BICC1: variants seen among roughly 807,000 people sequenced by gnomAD.
The protein encoded by BICC1 is BicC family RNA binding protein 1, also known as protein bicaudal C homolog 1.
A neutral mutation model predicts 111.0 loss-of-function variants in BICC1; 43 were observed. That is an observed-to-expected ratio of 0.39 (90% CI 0.30 to 0.50). BICC1 has a LOEUF of 0.50. Ranked by LOEUF, BICC1 falls within the 20% of genes least tolerant of loss-of-function variation. The pLI is 0.88. For missense variants in BICC1, 1,091 were observed against 1,203.2 expected (o/e 0.91, Z 1.38); for synonymous variants, 467 against 434.4 (o/e 1.07, Z -0.93).
chr10:58,788,500 T>G, intron 6 of BICC1, 77 bp downstream of exon 6: 1 of 1,028,054 alleles, frequency 9.7e-7, no homozygotes, highest in South Asian at 1.4e-5. Flanking sequence ...ATATAATAAT[T>G]TATCATTTTA....
intron 3 of BICC1, chr10:58,715,949 A>C: frequency 7.3e-7 from 1 of 1,374,496 alleles, no homozygotes; most frequent in Non-Finnish European, 1.0e-6. Context: ...AAATGAAGAA[A>C]GAAAAAGAAG....
At chr10:58,707,251 G>T (rs1256755459) in intron 3 of BICC1, among the ~76,000 whole-genome samples, 2 of 152,136 alleles carry the variant, frequency 1.3e-5, no homozygotes, top group Admixed American at 6.5e-5. Flanking sequence ...AGTTCGTTTT[G>T]TTTTTTCCAG....
intron 1 of BICC1, among the ~76,000 whole-genome samples, chr10:58,581,363 A>T (rs1844275291): frequency 6.6e-6 from 1 of 152,190 alleles, no homozygotes; most frequent in Admixed American, 6.5e-5. Flanking sequence ...TTCAGTGGTC[A>T]GTTTATTCAT....
chr10:58,750,914 C>T (rs886659815), intron 3 of BICC1, among the ~76,000 whole-genome samples: 24 of 152,140 alleles, frequency 1.6e-4, no homozygotes, highest in Admixed American at 1.0e-3. Flanking sequence ...ATTCCTATTT[C>T]GTGTTTGTGT....
intron 3 of BICC1, among the ~76,000 whole-genome samples, chr10:58,732,680 C>A (rs866847330): frequency 2.6e-5 from 4 of 151,674 alleles, no homozygotes; most frequent in African/African-American, 9.7e-5. Context: ...ACTTGGGAGC[C>A]TGAGGTGGGA....
At chr10:58,697,703 C>G (rs1352772714) in intron 2 of BICC1, among the ~76,000 whole-genome samples, 1 of 152,158 alleles carries the variant, frequency 6.6e-6, no homozygotes, top group African/African-American at 2.4e-5. Context: ...GCCTTTGTGC[C>G]CTTTCTTCCA....
chr10:58,791,147 TTTATC>T (rs1843163426), intron 8 of BICC1, among the ~76,000 whole-genome samples: 1 of 152,188 alleles, frequency 6.6e-6, no homozygotes, highest in African/African-American at 2.4e-5. Context: ...CCGAGCTTAT[TTTATC>T]AGGTTATTTT....
At chr10:58,816,103 C>G (rs932727089) in intron 18 of BICC1, among the ~76,000 whole-genome samples, 1 of 152,168 alleles carries the variant, frequency 6.6e-6, no homozygotes, top group Non-Finnish European at 1.5e-5. Flanking sequence ...TTCTCAGTAA[C>G]TCTTTTACTC....
chr10:58,787,107 T>G lies in BICC1; in HGVS notation c.546+26T>G. The G allele has an allele frequency of 2.0e-6, 3 of 1,535,486 alleles. No homozygotes were observed. In the South Asian group the frequency reaches 3.8e-5, roughly 20 times the overall value. Reference sequence around the variant, plus strand: ...GTGGTTTGTCTTTTCACATGAACTTTTATGGGATGAATTACAGCCTTAATT... The same window carrying G: ...GTGGTTTGTCTTTTCACATGAACTTGTATGGGATGAATTACAGCCTTAATT... On this transcript the variant is annotated intron_variant, in intron 5 of 20. Coordinates refer to ENST00000373886, the MANE Select transcript of BICC1 (RefSeq NM_001080512.3).
At chr10:58,664,692 G>A (rs575837301) in intron 2 of BICC1, among the ~76,000 whole-genome samples, 1 of 151,112 alleles carries the variant, frequency 6.6e-6, no homozygotes, top group African/African-American at 2.4e-5. Flanking sequence ...TAGGCTTGTG[G>A]GTTTTTTTTT....
intron 1 of BICC1, among the ~76,000 whole-genome samples, chr10:58,599,676 T>C (rs1419565277): frequency 6.6e-6 from 1 of 152,060 alleles, no homozygotes; most frequent in Non-Finnish European, 1.5e-5. Flanking sequence ...CTGAATTTTC[T>C]TTTACTTGTC....
chr10:58,578,637 C>G (rs1844179432), intron 1 of BICC1, among the ~76,000 whole-genome samples: 2 of 152,174 alleles, frequency 1.3e-5, no homozygotes, highest in South Asian at 4.1e-4. Context: ...CTGCAGATAT[C>G]ACTTCTTCCC....
chr10:58,529,179 C>T (rs144011298), intron 1 of BICC1, among the ~76,000 whole-genome samples: 132 of 152,000 alleles, frequency 8.7e-4, no homozygotes, highest in African/African-American at 2.9e-3. Flanking sequence ...TATGCGTCTT[C>T]AAGTAGGATC....
intron 1 of BICC1, among the ~76,000 whole-genome samples, chr10:58,619,574 A>G (rs1385104085): frequency 6.6e-6 from 1 of 151,212 alleles, no homozygotes; most frequent in African/African-American, 2.4e-5. Flanking sequence ...TCCCGGGTTC[A>G]AGCAATTCTC....
At chr10:58,748,424 A>C (rs1841894976) in intron 3 of BICC1, among the ~76,000 whole-genome samples, 1 of 152,032 alleles carries the variant, frequency 6.6e-6, no homozygotes, top group East Asian at 1.9e-4. Context: ...TACTTTTCCT[A>C]AATATCTTTT....
At chr10:58,663,319 G>A (rs576732961) in intron 2 of BICC1, among the ~76,000 whole-genome samples, 4 of 152,130 alleles carry the variant, frequency 2.6e-5, no homozygotes, top group Admixed American at 6.5e-5. Flanking sequence ...CACCCACCTC[G>A]GCCTCCCAAA....
At position 58,798,477 on chromosome 10, in the gene BICC1, T is replaced by A; in HGVS notation, c.1445T>A (p.Val482Asp). Residue 482 changes from valine (V) to aspartate (D), a missense_variant, in exon 11 of 21, where the codon GTC becomes GAC. This residue lies in a region of BICC1 where 843 missense variants were observed against 900.8 expected (regional missense o/e 0.94). Transcript: ENST00000373886. ...CTCTTGAATGCTCTTAATAGCTCAG[T>A]CAGTCCTTTGCAAAGTCCAAGTTCT... ...NSLLNALNSS[V>D]SPLQSPSSGT... 6.2e-7 allele frequency: 1 copy of A among 1,613,550 alleles called. No homozygotes were observed. The highest frequency in any genetic ancestry group is 8.5e-7 in the Non-Finnish European group (1 of 1,179,700).
At chr10:58,588,723 G>A (rs775023810) in intron 1 of BICC1, among the ~76,000 whole-genome samples, 1 of 152,140 alleles carries the variant, frequency 6.6e-6, no homozygotes, top group Non-Finnish European at 1.5e-5. Context: ...TAGTAAAAAC[G>A]CATCCCTATG....
chr10:58,609,309 G>A (rs1202295379), intron 1 of BICC1, among the ~76,000 whole-genome samples: 1 of 152,164 alleles, frequency 6.6e-6, no homozygotes, highest in Non-Finnish European at 1.5e-5. Flanking sequence ...AAAACAGATA[G>A]AACTTTGATT....
Sources: gnomAD v4.1 joint callset for allele counts (sites outside exome capture counted in the v4.1 genomes callset) on GRCh38, gnomAD v4.1.1 for gene constraint, gnomAD v4.1.1 regional missense constraint, MANE v1.5 for transcripts, NCBI Gene and HGNC (gene_info 2026-07-23, HGNC 2026-07-21) for gene names.